The following ZNF454 variants were observed in gnomAD, a reference collection of about 807,000 sequenced individuals.
ZNF454 encodes the protein zinc finger protein 454.
Under a neutral mutation model 48.2 loss-of-function variants are expected in ZNF454, and 30 were observed. The ratio of observed to expected loss-of-function variants is 0.62; its 90% CI spans 0.47 to 0.84. ZNF454 has a LOEUF of 0.84. Among genes scored for constraint, ZNF454 ranks in the 40% least tolerant of loss-of-function variants. ZNF454 has a pLI of 0.00. For missense variants in ZNF454, 510 were observed against 623.1 expected (o/e 0.82, Z 1.93); for synonymous variants, 204 against 211.4 (o/e 0.97, Z 0.30).
chr5:178,987,012 G>A, the ZNF454 span: 3 of 1,608,472 alleles, frequency 1.9e-6, no homozygotes, highest in Non-Finnish European at 2.5e-6. Flanking sequence ...ATCCTCGGTG[G>A]TCCTCCAGCC....
At chr5:178,951,742 A>G (rs1431111831) in intron 4 of ZNF454, among the ~76,000 whole-genome samples, 1 of 152,104 alleles carries the variant, frequency 6.6e-6, no homozygotes, top group Admixed American at 6.5e-5. Flanking sequence ...ATTCTTGTAT[A>G]TGTTTCCTTA....
intron 4 of ZNF454, chr5:178,957,013 A>T (rs1759790292): frequency 5.5e-6 from 1 of 181,488 alleles, no homozygotes; most frequent in African/African-American, 2.4e-5. Context: ...TCTCCCGAGT[A>T]GCTGGGACTA....
chr5:178,952,267 G>T (rs1177526712), intron 4 of ZNF454, among the ~76,000 whole-genome samples: 1 of 152,142 alleles, frequency 6.6e-6, no homozygotes, highest in Non-Finnish European at 1.5e-5. Context: ...TCGATCTCCT[G>T]ACCTCGTGAT....
chr5:178,962,483 A>G (rs1228560657), intron 4 of ZNF454, among the ~76,000 whole-genome samples: 1 of 151,588 alleles, frequency 6.6e-6, no homozygotes, highest in African/African-American at 2.4e-5. Flanking sequence ...GTAGCTCACT[A>G]TTCCTCTTTT....
chr5:178,962,447 T>C (rs1046421947), intron 4 of ZNF454, among the ~76,000 whole-genome samples: 1 of 151,820 alleles, frequency 6.6e-6, no homozygotes, highest in Non-Finnish European at 1.5e-5. Context: ...TGTTTTACTA[T>C]GGATATTTTC....
At chr5:178,968,105 T>TCACACACATA (rs1760192499), downstream of ZNF454, among the ~76,000 whole-genome samples, 1 of 145,000 alleles carries the variant, frequency 6.9e-6, no homozygotes, top group Non-Finnish European at 1.5e-5. Flanking sequence ...CATCTGTGCA[T>TCACACACATA]CACACACACA....
Position 178,965,775 on chromosome 5 carries a change from A to G in ZNF454, c.1371A>G (p.Gln457=), listed in dbSNP as rs902168468. 1 of 1,614,032 alleles carries G rather than the reference A, an allele frequency of 6.2e-7. No homozygotes were observed. The highest frequency in any genetic ancestry group is 1.3e-5 in the African/African-American group (1 of 74,938). ...TCAGTGACCATTCAGCCCTTACCCA[A>G]CATAAGAGAATTCATACTAGGGAAA... ...KAFSDHSALT[Q]HKRIHTREKP... is the part of the protein sequence containing the mutation. Residue 457 remains glutamine (Q), a synonymous_variant, in exon 5 of 5, where the codon CAA becomes CAG. Transcript: ENST00000519564. This position sits in a 1 kb window ranked among gnomAD's most constrained non-coding sequence, Gnocchi z 5.2.
chr5:178,952,262 C>T (rs1483995752), intron 4 of ZNF454, among the ~76,000 whole-genome samples: 4 of 152,162 alleles, frequency 2.6e-5, no homozygotes, highest in Admixed American at 1.3e-4. Flanking sequence ...TGGTCTCGAT[C>T]TCCTGACCTC....
the ZNF454 span, among the ~76,000 whole-genome samples, chr5:178,976,656 G>T: frequency 1.7e-4 from 26 of 152,290 alleles, no homozygotes; most frequent in African/African-American, 6.0e-4. Flanking sequence ...AGTGACTGTG[G>T]GAGGAATGAG....
At chr5:178,987,213 T>C in the ZNF454 span, 12 of 669,772 alleles carry the variant, frequency 1.8e-5, no homozygotes, top group Non-Finnish European at 2.2e-5. Context: ...TCGGAACCCT[T>C]GTGCACGGTG....
At chr5:178,988,917 G>A in the ZNF454 span, 10 of 1,602,272 alleles carry the variant, frequency 6.2e-6, no homozygotes, top group Non-Finnish European at 8.5e-6. This position sits in a 1 kb window ranked among gnomAD's most constrained non-coding sequence, Gnocchi z 6.0. Flanking sequence ...TGCTGCAGGG[G>A]GGCAGGCACC....
intron 4 of ZNF454, among the ~76,000 whole-genome samples, chr5:178,962,373 T>C (rs1270896522): frequency 6.6e-6 from 1 of 151,756 alleles, no homozygotes; most frequent in African/African-American, 2.4e-5. Flanking sequence ...TTGGAGTTTA[T>C]AGCCCTTCTC....
chr5:178,984,049 T>C, the ZNF454 span, among the ~76,000 whole-genome samples: 1 of 152,300 alleles, frequency 6.6e-6, no homozygotes. Flanking sequence ...CAGCAGCTTT[T>C]TGTGCTTCTC....
At chr5:178,942,886 T>A in intron 2 of ZNF454, 62 bp downstream of exon 2, 3 of 1,569,124 alleles carry the variant, frequency 1.9e-6, no homozygotes, top group Non-Finnish European at 2.6e-6. Context: ...GCATGTTTGC[T>A]TCCTCAGACC....
chr5:178,962,973 C>T (rs1450486309), intron 4 of ZNF454, among the ~76,000 whole-genome samples: 2 of 151,902 alleles, frequency 1.3e-5, no homozygotes, highest in East Asian at 4.0e-4. Flanking sequence ...CGGCTGAGAG[C>T]TTCACATGTT....
the ZNF454 span, among the ~76,000 whole-genome samples, chr5:178,971,848 C>G: frequency 1.1e-4 from 1 of 9,058 alleles, no homozygotes; most frequent in Non-Finnish European, 2.6e-4. Flanking sequence ...GAGACTCCAT[C>G]TGAAAAAAAA....
At chr5:178,989,429 G>A in the ZNF454 span, 1 of 1,613,716 alleles carries the variant, frequency 6.2e-7, no homozygotes, top group Non-Finnish European at 8.5e-7. Flanking sequence ...AGAAGGGGGA[G>A]GGTGGCGCTG....
the ZNF454 span, chr5:178,986,262 G>A: frequency 1.9e-6 from 3 of 1,614,164 alleles, no homozygotes; most frequent in South Asian, 3.3e-5. Flanking sequence ...GGGCAGAGTA[G>A]CTGAGGGTCG....
At chr5:178,959,809 G>T (rs954853914) in intron 4 of ZNF454, among the ~76,000 whole-genome samples, 1 of 151,758 alleles carries the variant, frequency 6.6e-6, no homozygotes, top group African/African-American at 2.4e-5. Context: ...GTTTCACCGT[G>T]TTAGCCAGGA....
Sources: gnomAD v4.1 joint callset for allele counts (sites outside exome capture counted in the v4.1 genomes callset) on GRCh38, gnomAD v4.1.1 for gene constraint, Gnocchi (gnomAD v3.1) non-coding constraint, MANE v1.5 for transcripts, NCBI Gene and HGNC (gene_info 2026-07-23, HGNC 2026-07-21) for gene names.